SNTB2: variants seen among roughly 807,000 people sequenced by gnomAD.
SNTB2 encodes the protein syntrophin beta 2, also known as beta-2-syntrophin.
A neutral mutation model predicts 46.2 loss-of-function variants in SNTB2; 34 were observed. That is an observed-to-expected ratio of 0.74 (90% confidence interval 0.56 to 0.98). The LOEUF is 0.98. SNTB2 is among the 50% of genes least tolerant of loss of function. The probability of loss-of-function intolerance (pLI) is 0.00; values close to 1 mark genes in which losing one functional copy is unlikely to be tolerated. For missense variants in SNTB2, 603 were observed against 731.4 expected, an observed-to-expected ratio of 0.82 and a Z score of 2.02; for synonymous variants, 290 against 312.6, an observed-to-expected ratio of 0.93 and a Z score of 0.76.
At position 69,298,410 on chromosome 16, in the gene SNTB2, C is replaced by T. The variant is rs1034188947; in HGVS notation, c.1346-1180C>T. Among the ~76,000 whole-genome samples, 12 of 152,026 alleles carry T rather than the reference C, an allele frequency of 7.9e-5. 1 individual carries two copies. Among genetic ancestry groups the T allele is most frequent in the Non-Finnish European group, 4.4e-5 (3 of 68,018 alleles). ...CCCAAATGCCAACCAAACCATGTCA[C>T]GGCTCCTGAAAGGCCTCTCTGCCTT... On this transcript the variant is annotated intron_variant, in intron 5 of 6. Coordinates refer to ENST00000336278, the MANE Select transcript of SNTB2 (RefSeq NM_006750.4).
intron 1 of SNTB2, among the ~76,000 whole-genome samples, chr16:69,191,893 A>G (rs996499553): frequency 6.6e-6 from 1 of 152,136 alleles, no homozygotes; most frequent in Non-Finnish European, 1.5e-5. Flanking sequence ...TGCCTGCCTC[A>G]GCCTCCCAAA....
Position 69,270,168 on chromosome 16 carries a change from A to C in SNTB2, c.1031A>C (p.Gln344Pro), listed in dbSNP as rs1964924237. 1 of 1,614,038 alleles carries C rather than the reference A, an allele frequency of 6.2e-7. No individual in the cohort carries two copies. The highest frequency in any genetic ancestry group is 8.5e-7 in the Non-Finnish European group (1 of 1,180,028). The change falls in exon 4 of 7, where the codon CAA (glutamine) becomes CCA (proline). Residue 344 changes from glutamine (Q) to proline (P), a missense_variant. Coordinates refer to ENST00000336278, the MANE Select transcript of SNTB2 (RefSeq NM_006750.4). Reference protein sequence around the residue: ...EQAKLDGGRQQWRPVLMAVTE... With the variant: ...EQAKLDGGRQPWRPVLMAVTE... ...GCAAAACTAGATGGTGGAAGACAGC[A>C]ATGGAGACCTGTCCTCATGGCTGTG...
intron 1 of SNTB2, among the ~76,000 whole-genome samples, chr16:69,205,912 A>G (rs1410928630): frequency 2.6e-5 from 4 of 152,206 alleles, no homozygotes; most frequent in African/African-American, 4.8e-5. Flanking sequence ...CGTTCATGAA[A>G]TCCTTTCCAT....
chr16:69,217,560 C>T (rs900314531), intron 1 of SNTB2, among the ~76,000 whole-genome samples: 7 of 152,198 alleles, frequency 4.6e-5, no homozygotes, highest in Non-Finnish European at 1.0e-4. Flanking sequence ...AAGCTGACTA[C>T]TTCAGTTTTT....
At chr16:69,274,316 A>T (rs1964965850) in intron 4 of SNTB2, among the ~76,000 whole-genome samples, 1 of 151,376 alleles carries the variant, frequency 6.6e-6, no homozygotes, top group Admixed American at 6.6e-5. Context: ...TATCTCAAAA[A>T]AAAAAAAAAA....
At position 69,187,181 on chromosome 16, in the gene SNTB2, G is replaced by A. The variant is rs1963995557; in HGVS notation, c.15G>A (p.Ala5=). ...GCCTGACTGGAATGAGGGTAGCTGC[G>A]GCGACTGCGGCGGCTGGAGCGGGGC... MRVA[A]ATAAAGAGPA... Residue 5 remains alanine, a synonymous_variant, in exon 1 of 7, where the codon GCG becomes GCA. Transcript: ENST00000336278. 1 of 1,375,128 alleles carries A rather than the reference G, an allele frequency of 7.3e-7. No homozygotes were observed. The highest frequency in any genetic ancestry group is 9.4e-7 in the Non-Finnish European group (1 of 1,061,900). 85.2% of individuals were successfully genotyped at this position (1,375,128 alleles called of 1,614,324 possible).
intron 2 of SNTB2, among the ~76,000 whole-genome samples, chr16:69,256,140 C>G (rs555911533): frequency 1.3e-5 from 2 of 151,916 alleles, no homozygotes; most frequent in African/African-American, 2.4e-5. Context: ...GAGCCAAGAT[C>G]GGGCCACTGC....
chr16:69,243,478 T>A (rs1178609538), intron 1 of SNTB2, among the ~76,000 whole-genome samples: 2 of 152,230 alleles, frequency 1.3e-5, no homozygotes, highest in Admixed American at 1.3e-4. Context: ...TGTGTAGTAA[T>A]CAGTTCAGTG....
intron 1 of SNTB2, among the ~76,000 whole-genome samples, chr16:69,225,555 A>G (rs1034292145): frequency 6.6e-6 from 1 of 152,188 alleles, no homozygotes; most frequent in African/African-American, 2.4e-5. Context: ...GTTACATCCA[A>G]TTATGTGTAA....
At chr16:69,252,738 G>A (rs534362490) in intron 2 of SNTB2, among the ~76,000 whole-genome samples, 18 of 152,200 alleles carry the variant, frequency 1.2e-4, no homozygotes, top group African/African-American at 4.1e-4. Flanking sequence ...AAATCCTCTC[G>A]TTTGACAAGA....
intron 2 of SNTB2, among the ~76,000 whole-genome samples, chr16:69,254,109 T>G (rs1454290764): frequency 6.6e-6 from 1 of 152,036 alleles, no homozygotes; most frequent in Non-Finnish European, 1.5e-5. Flanking sequence ...TAGAAAATAG[T>G]CAGCCTGATA....
At chr16:69,221,253 C>A (rs1283046986) in intron 1 of SNTB2, among the ~76,000 whole-genome samples, 2 of 152,310 alleles carry the variant, frequency 1.3e-5, no homozygotes, top group East Asian at 3.9e-4. Context: ...TGTCCCACTT[C>A]CTTCTAAACC....
chr16:69,188,690 G>T (rs1964019158), intron 1 of SNTB2, among the ~76,000 whole-genome samples: 1 of 152,164 alleles, frequency 6.6e-6, no homozygotes, highest in Non-Finnish European at 1.5e-5. Flanking sequence ...TCTTTCACTG[G>T]TGATTATGGC....
chr16:69,223,319 A>G (rs758619797), intron 1 of SNTB2, among the ~76,000 whole-genome samples: 18 of 151,530 alleles, frequency 1.2e-4, no homozygotes, highest in Admixed American at 2.6e-4. Flanking sequence ...CAGCCTCCCA[A>G]GTAGCTGAGA....
intron 5 of SNTB2, among the ~76,000 whole-genome samples, chr16:69,290,793 C>G (rs1433727371): frequency 1.3e-5 from 2 of 152,100 alleles, no homozygotes; most frequent in African/African-American, 4.8e-5. Flanking sequence ...CAGATGTTGT[C>G]ACCTGCATTT....
At chr16:69,297,212 C>T (rs536748393) in intron 5 of SNTB2, among the ~76,000 whole-genome samples, 1 of 142,314 alleles carries the variant, frequency 7.0e-6, no homozygotes, top group Non-Finnish European at 1.5e-5. Context: ...GAGGCTAAGG[C>T]ATGAGAATTG....
chr16:69,259,482 G>A (rs542781835), intron 2 of SNTB2, among the ~76,000 whole-genome samples: 98 of 151,638 alleles, frequency 6.5e-4, no homozygotes, highest in African/African-American at 1.9e-3. Context: ...CAATCTGCCC[G>A]CCTTGGCCTC....
chr16:69,273,931 CACATTGTA>C (rs1964961971), intron 4 of SNTB2, among the ~76,000 whole-genome samples: 1 of 152,138 alleles, frequency 6.6e-6, no homozygotes, highest in African/African-American at 2.4e-5. Context: ...TGGTGCCTGA[CACATTGTA>C]ACTGCTCAAG....
At chr16:69,223,773 T>C (rs535878762) in intron 1 of SNTB2, among the ~76,000 whole-genome samples, 21 of 151,848 alleles carry the variant, frequency 1.4e-4, no homozygotes, top group Admixed American at 5.2e-4. Flanking sequence ...GGACTACAGG[T>C]GCCCGCCACC....
Sources: allele counts gnomAD v4.1 joint callset (sites outside exome capture counted in the v4.1 genomes callset), GRCh38; gene constraint gnomAD v4.1.1; transcripts MANE v1.5; gene names NCBI Gene and HGNC (gene_info 2026-07-23, HGNC 2026-07-21).